IGSF9: variants seen among roughly 807,000 people sequenced by gnomAD.
IGSF9 encodes protein turtle homolog A.
IGSF9 carries 87 observed loss-of-function variants against 121.7 expected under a neutral mutation model. The ratio of observed to expected loss-of-function variants is 0.71; its 90% CI spans 0.60 to 0.85. The LOEUF (loss-of-function observed/expected upper bound fraction) is 0.85. Ranked by LOEUF, IGSF9 falls within the 40% of genes least tolerant of loss-of-function variation. The pLI, the probability that IGSF9 is intolerant of heterozygous loss-of-function variation, is 0.00. For synonymous variants in IGSF9, 640 were observed against 648.4 expected (o/e 0.99, Z 0.20); for missense variants, 1,462 against 1,565.3 (o/e 0.93, Z 1.11).
chr1:159,935,932 CACAAAGAT>C (rs1651166250), intron 6 of IGSF9, among the ~76,000 whole-genome samples: 1 of 152,216 alleles, frequency 6.6e-6, no homozygotes, highest in East Asian at 1.9e-4. Context: ...CTCACTTCCC[CACAAAGAT>C]AATAGGCTCT....
chr1:159,942,818 T>G, intron 3 of IGSF9, 145 bp downstream of exon 3: 1 of 646,932 alleles, frequency 1.5e-6, no homozygotes, highest in Non-Finnish European at 2.7e-6. Context: ...AGCACAGCCA[T>G]GCTTATTAAG....
In IGSF9 at chr1:159,932,429, C is replaced by G; in HGVS notation, c.1245+83G>C. 12 of 1,378,990 alleles carry G rather than the reference C, an allele frequency of 8.7e-6. No individual in the cohort carries two copies. The highest frequency in any genetic ancestry group is 1.1e-5 in the Non-Finnish European group (11 of 992,324). The allele number at this position is 1,378,990 out of a possible 1,614,324, so 85.4% of individuals were successfully genotyped here. ...CCCTCCCCATGTGTCTGCCCCACCC[C>G]ACCCCCATCAGCCTGGCCTTAGCAC... is the stretch of plus-strand genomic sequence containing the variant. On this transcript the variant is annotated intron_variant, in intron 10 of 20. Transcript: ENST00000368094. The surrounding 1 kb of genome is among the most constrained non-coding windows in gnomAD (Gnocchi z 4.1).
At chr1:159,940,957 G>T (rs2101882929) in intron 3 of IGSF9, among the ~76,000 whole-genome samples, 2 of 152,298 alleles carry the variant, frequency 1.3e-5, no homozygotes, top group South Asian at 4.1e-4. Context: ...CCAGAGGCCT[G>T]GTCATGGGTT....
intron 3 of IGSF9, among the ~76,000 whole-genome samples, chr1:159,940,079 T>C (rs771361521): frequency 1.3e-5 from 2 of 152,230 alleles, no homozygotes; most frequent in African/African-American, 2.4e-5. Flanking sequence ...TCACCATATT[T>C]AATCCTCCCA....
chr1:159,929,537 C>T, intron 17 of IGSF9, 101 bp downstream of exon 17: 2 of 1,486,026 alleles, frequency 1.3e-6, no homozygotes, highest in Non-Finnish European at 1.8e-6. Flanking sequence ...AGAGAATGCA[C>T]CTGGATCACA....
rs1172177935 is a variant in IGSF9, at chr1:159,933,872, C to G, written c.1104+318G>C. 5 of 386,412 alleles carry G rather than the reference C, an allele frequency of 1.3e-5. 1 individual carries two copies. The highest frequency in any genetic ancestry group is 6.3e-5 in the African/African-American group (3 of 47,578). The allele number at this position is 386,412 out of a possible 1,614,324, so 23.9% of individuals were successfully genotyped here. On this transcript the variant is annotated intron_variant, in intron 9 of 20. Transcript: ENST00000368094. ...CACCTGGTAAGAAGTGTGTGTTCCC[C>G]CGGGACACACAATTTCCCAGTCATC...
chr1:159,931,778 G>C lies in IGSF9; in HGVS notation c.1362+34C>G. 1.3e-6 allele frequency: 2 copies of C among 1,485,310 alleles called. No individual in the cohort carries two copies. The highest frequency in any genetic ancestry group is 9.2e-7 in the Non-Finnish European group (1 of 1,088,898). The allele number at this position is 1,485,310 out of a possible 1,614,324, so 92.0% of individuals were successfully genotyped here. A position where few individuals can be genotyped will look rare whatever the true frequency, so the allele number is the denominator to read the frequency against. ...CACGAGAGGCAGGGGTGTAGTGGGC[G>C]TGGGTACAGGCAGAGCGGGCTCAGG... On this transcript the variant is annotated intron_variant, in intron 11 of 20. Transcript: ENST00000368094. The surrounding 1 kb of genome is among the most constrained non-coding windows in gnomAD (Gnocchi z 4.8).
At position 159,927,893 on chromosome 1, in the gene IGSF9, A is replaced by G. The variant is rs1283082543; in HGVS notation, c.3231-6T>C. 3 of 3,798 alleles carry G rather than the reference A, an allele frequency of 7.9e-4. No homozygotes were observed. The highest frequency in any genetic ancestry group is 5.5e-3 in the African/African-American group (2 of 364). The allele number at this position is 3,798 out of a possible 1,614,324, so 0.2% of individuals were successfully genotyped here. A position where few individuals can be genotyped will look rare whatever the true frequency, so the allele number is the denominator to read the frequency against. The stretch of plus-strand genomic sequence containing the variant: ...CGTCCACAGATGTGTTCCTCCTGTA[A>G]AAAAAAAAAAAAAGACAAACATATG... On this transcript the variant is annotated splice_polypyrimidine_tract_variant and splice_region_variant and intron_variant, in intron 19 of 20. Transcript: ENST00000368094.
At position 159,937,958 on chromosome 1, in the gene IGSF9, T is replaced by A. The variant is rs1206743273; in HGVS notation, c.248-120A>T. On this transcript the variant is annotated intron_variant, in intron 3 of 20. Coordinates refer to ENST00000368094, the MANE Select transcript of IGSF9 (RefSeq NM_001135050.2). ...CTCAGTCTCTCCCAGTTACTCTGAG[T>A]GTGGGGTCCAGAGAGACGCAGATGA... The A allele has an allele frequency of 3.6e-6, 4 of 1,111,760 alleles. No individual in the cohort carries two copies. The highest frequency in any genetic ancestry group is 3.0e-5 in the South Asian group (2 of 66,648). 68.9% of individuals were successfully genotyped at this position (1,111,760 alleles called of 1,614,324 possible). A position where few individuals can be genotyped will look rare whatever the true frequency, so the allele number is the denominator to read the frequency against.
intron 6 of IGSF9, among the ~76,000 whole-genome samples, 170 bp from the exon 7 acceptor site, chr1:159,934,992 A>T (rs977270057): frequency 6.6e-6 from 1 of 152,168 alleles, no homozygotes; most frequent in African/African-American, 2.4e-5. Flanking sequence ...ACAAGAATTC[A>T]TCCTCTCCCT....
Position 159,936,401 on chromosome 1 carries a change from A to C in IGSF9, c.671T>G (p.Leu224Arg). The stretch of plus-strand genomic sequence containing the variant: ...CCAGCCCTCCCGCCAGAGAGCACCT[A>C]GCACTAGCAGCTGGGTGGCGTGGGT... ...SATHATQLLVLGPPVIVVPPK... is the reference protein window; with the variant it reads ...SATHATQLLVRGPPVIVVPPK... Residue 224 changes from leucine (L) to arginine (R), a missense_variant and splice_region_variant, in exon 6 of 21, where the codon CTA (leucine) becomes CGA (arginine). By Grantham distance (102) the Leu-to-Arg change is moderately radical. Coordinates refer to ENST00000368094, the MANE Select transcript of IGSF9 (RefSeq NM_001135050.2). 1 of 1,613,540 alleles carries C rather than the reference A, an allele frequency of 6.2e-7. No homozygotes were observed. The highest frequency in any genetic ancestry group is 8.5e-7 in the Non-Finnish European group (1 of 1,179,588).
intron 9 of IGSF9, 69 bp downstream of exon 9, chr1:159,934,121 C>G (rs1049555937): frequency 6.5e-7 from 1 of 1,534,358 alleles, no homozygotes; most frequent in Non-Finnish European, 8.9e-7. Flanking sequence ...ACCGAGCTAA[C>G]TCCACCCTGC....
rs773571422 is a variant in IGSF9, at chr1:159,927,409, G to C, written c.3476C>G (p.Thr1159Ser). 4 of 1,613,940 alleles carry C rather than the reference G, an allele frequency of 2.5e-6. No individual in the cohort carries two copies. The highest frequency in any genetic ancestry group is 1.3e-5 in the African/African-American group (1 of 74,942). The part of the protein sequence containing the change: ...FLAFRRRRDA[T>S]RARLPAYRQP... ...TCGATAGGCTGGTAGCCGAGCCCTA[G>C]TAGCATCTCGGCGGCGGCGGAAGGC... The change falls in exon 21 of 21, where the codon ACT becomes AGT. Residue 1159 changes from threonine to serine, a missense_variant. Physicochemically the swap from Thr to Ser is moderately conservative, Grantham distance 58 (BLOSUM62 1). This residue lies in a region of IGSF9 where 808 missense variants were observed against 815.2 expected (regional missense o/e 0.99). Coordinates refer to ENST00000368094, the MANE Select transcript of IGSF9 (RefSeq NM_001135050.2).
chr1:159,928,521 A>T lies in IGSF9; in HGVS notation c.2867T>A (p.Met956Lys), dbSNP rs1468458023. 6.4e-7 allele frequency: 1 copy of T among 1,564,736 alleles called. No homozygotes were observed. Among genetic ancestry groups the T allele is most frequent in the East Asian group, 2.3e-5 (1 of 43,956 alleles). Residue 956 changes from methionine to lysine, a missense_variant, in exon 19 of 21, where the codon ATG becomes AAG. Coordinates refer to ENST00000368094, the MANE Select transcript of IGSF9 (RefSeq NM_001135050.2). ...TGAGGTGGGACAGCGCCGGGTATCC[A>T]TGTAATCTGGGGGTGCAGCAGGGCT... Reference protein sequence around the residue: ...EPSPAAPPDYMDTRRCPTSSF... With the variant: ...EPSPAAPPDYKDTRRCPTSSF...
In IGSF9 at chr1:159,929,715, A is replaced by G. The variant is rs1650908521; in HGVS notation, c.2249T>C (p.Val750Ala). Residue 750 changes from valine to alanine, a missense_variant, in exon 17 of 21, where the codon GTC (valine) becomes GCC (alanine). By Grantham distance (64) the Val-to-Ala change is moderately conservative. This residue lies in a region of IGSF9 where 808 missense variants were observed against 815.2 expected (regional missense o/e 0.99). Transcript: ENST00000368094. ...GCAGCCGGCCAGGATGCTCACAAGG[A>G]CGGCCACTCCCAGAAAGCAGACTCC... ...VGGVCFLGVA[V>A]LVSILAGCLL... is the part of the protein sequence containing the mutation. 2 of 1,601,002 alleles carry G rather than the reference A, an allele frequency of 1.2e-6. No individual in the cohort carries two copies. The highest frequency in any genetic ancestry group is 1.7e-6 in the Non-Finnish European group (2 of 1,174,998).
chr1:159,927,696 A>G, intron 20 of IGSF9, 64 bp downstream of exon 20: 1 of 1,588,636 alleles, frequency 6.3e-7, no homozygotes, highest in Non-Finnish European at 8.6e-7. Context: ...GATGGGTCCT[A>G]AGGTGGCGGG....
chr1:159,928,985 C>T lies in IGSF9; in HGVS notation c.2403G>A (p.Val801=). 2 of 1,519,184 alleles carry T rather than the reference C, an allele frequency of 1.3e-6. No homozygotes were observed. The highest frequency in any genetic ancestry group is 1.8e-6 in the Non-Finnish European group (2 of 1,134,958). 94.1% of individuals were successfully genotyped at this position (1,519,184 alleles called of 1,614,324 possible). The part of the protein sequence containing the change: ...SALGSGSPDS[V]AKLKLQGSPV... ...GGGATCCCTGGAGCTTCAGCTTCGC[C>T]ACGCTGTCAGGACTGCCTGAGCCCA... Residue 801 remains valine (V), a synonymous_variant, in exon 19 of 21, where the codon GTG becomes GTA. Coordinates refer to ENST00000368094, the MANE Select transcript of IGSF9 (RefSeq NM_001135050.2).
chr1:159,928,409 C>T lies in IGSF9; in HGVS notation c.2979G>A (p.Glu993=). ...GAVVGAGATA[E]PPYTALADWT... Reference sequence around the variant, plus strand: ...AGTCAGCCAGGGCTGTGTAAGGGGGCTCTGCAGTGGCCCCAGCCCCTACCA... The same window carrying T: ...AGTCAGCCAGGGCTGTGTAAGGGGGTTCTGCAGTGGCCCCAGCCCCTACCA... The change falls in exon 19 of 21, where the codon GAG becomes GAA. Residue 993 remains glutamate, a synonymous_variant. Coordinates refer to ENST00000368094, the MANE Select transcript of IGSF9 (RefSeq NM_001135050.2). The T allele has an allele frequency of 6.2e-7, 1 of 1,603,060 alleles. No individual in the cohort carries two copies. The highest frequency in any genetic ancestry group is 1.2e-5 in the South Asian group (1 of 85,864).
intron 3 of IGSF9, among the ~76,000 whole-genome samples, chr1:159,939,669 G>A (rs1275655940): frequency 2.6e-5 from 4 of 152,194 alleles, no homozygotes; most frequent in Non-Finnish European, 4.4e-5. Context: ...CCTCTAGAGT[G>A]ATCTGTTTCA....
Sources: gnomAD v4.1 joint callset for allele counts (sites outside exome capture counted in the v4.1 genomes callset) on GRCh38, gnomAD v4.1.1 for gene constraint, gnomAD v4.1.1 regional missense constraint, Gnocchi (gnomAD v3.1) non-coding constraint, MANE v1.5 for transcripts, NCBI Gene and HGNC (gene_info 2026-07-23, HGNC 2026-07-21) for gene names.